The following ZFAND4 variants were observed in gnomAD, a reference collection of about 807,000 sequenced individuals.
ZFAND4 encodes the protein zinc finger AN1-type containing 4, also known as AN1-type zinc finger protein 4.
In ZFAND4, 43 loss-of-function variants were observed where a neutral mutation model predicts 64.4. The ratio of observed to expected loss-of-function variants is 0.67; its 90% CI spans 0.52 to 0.86. The LOEUF (loss-of-function observed/expected upper bound fraction) is 0.86. ZFAND4 is among the 40% of genes least tolerant of loss of function. The pLI, the probability that ZFAND4 is intolerant of heterozygous loss-of-function variation, is 0.00. For missense variants in ZFAND4, 929 were observed against 859.8 expected (o/e 1.08, Z -1.01); for synonymous variants, 296 against 305.7 (o/e 0.97, Z 0.33).
chr10:45,626,333 A>C lies in ZFAND4; in HGVS notation c.1490T>G (p.Phe497Cys). 6.2e-7 allele frequency: 1 copy of C among 1,614,200 alleles called. No homozygotes were observed. The highest frequency in any genetic ancestry group is 8.5e-7 in the Non-Finnish European group (1 of 1,180,034). Reference sequence around the variant, plus strand: ...AGAAGGCTGTAGCTTCCCAAACTCAAAACATTTGGACTGTCTCTCTGGTTT... The same window carrying C: ...AGAAGGCTGTAGCTTCCCAAACTCACAACATTTGGACTGTCTCTCTGGTTT... ...LVKPERQSKC[F>C]EFGKLQPSSS... Residue 497 changes from phenylalanine (F) to cysteine (C), a missense_variant, in exon 7 of 10, where the codon TTT becomes TGT. Physicochemically the swap from Phe to Cys is radical, Grantham distance 205. Transcript: ENST00000344646.
At chr10:45,621,303 A>C (rs903816329) in intron 8 of ZFAND4, among the ~76,000 whole-genome samples, 1 of 152,128 alleles carries the variant, frequency 6.6e-6, no homozygotes, top group African/African-American at 2.4e-5. Context: ...GATAGTTATT[A>C]CAGTGAGAGA....
In ZFAND4 at chr10:45,632,208, A is replaced by T. The variant is rs189033945; in HGVS notation, c.718-5103T>A. Among the ~76,000 whole-genome samples, 51 of 152,282 alleles carry T rather than the reference A, an allele frequency of 3.3e-4. No individual in the cohort carries two copies. In the East Asian group the frequency reaches 9.1e-3, roughly 27 times the overall value. ...TCTCTAGTAAAGATACAAAAAAAAA[A>T]TTAGCCGGGTGTGGTGGCACACGCC... On this transcript the variant is annotated intron_variant, in intron 6 of 9. Transcript: ENST00000344646.
chr10:45,655,937 A>G (rs902642775), intron 2 of ZFAND4, among the ~76,000 whole-genome samples: 4 of 152,042 alleles, frequency 2.6e-5, no homozygotes, highest in South Asian at 2.1e-4. Flanking sequence ...CAGACATTCA[A>G]TGAATTGGTA....
At chr10:45,621,176 A>C (rs1409013764) in intron 8 of ZFAND4, among the ~76,000 whole-genome samples, 3 of 152,196 alleles carry the variant, frequency 2.0e-5, no homozygotes, top group Non-Finnish European at 4.4e-5. Flanking sequence ...TAATGAATAC[A>C]GTTTCCAAGG....
intron 4 of ZFAND4, chr10:45,650,097 A>C (rs1229224698): frequency 6.6e-6 from 1 of 152,020 alleles, no homozygotes; most frequent in East Asian, 1.9e-4. Flanking sequence ...TTTCAAAAAC[A>C]ATTTTTTTTT....
At chr10:45,628,875 T>C (rs1467361188) in intron 6 of ZFAND4, among the ~76,000 whole-genome samples, 2 of 115,174 alleles carry the variant, frequency 1.7e-5, no homozygotes, top group East Asian at 4.8e-4. Flanking sequence ...GGCAAAAGTA[T>C]GGAGAAGTAT....
intron 2 of ZFAND4, 117 bp from the exon 3 acceptor site, chr10:45,653,176 T>C: frequency 1.4e-6 from 1 of 739,352 alleles, no homozygotes. Flanking sequence ...AACATTCTTC[T>C]AAATTGAATG....
chr10:45,616,627 G>T, intron 9 of ZFAND4, 56 bp from the exon 10 acceptor site: 1 of 1,593,676 alleles, frequency 6.3e-7, no homozygotes, highest in South Asian at 1.1e-5. Context: ...AGGCTCATCT[G>T]TCTGGGAGAC....
intron 6 of ZFAND4, among the ~76,000 whole-genome samples, chr10:45,633,896 G>A (rs1342593736): frequency 6.6e-6 from 1 of 152,088 alleles, no homozygotes; most frequent in African/African-American, 2.4e-5. Flanking sequence ...TATAAAAGGA[G>A]ACTATGAAAA....
At chr10:45,656,501 CAAAAAAAAAA>C (rs541781976) in intron 2 of ZFAND4, among the ~76,000 whole-genome samples, 5 of 24,714 alleles carry the variant, frequency 2.0e-4, no homozygotes, top group African/African-American at 3.9e-4. Flanking sequence ...GAACCTGTCT[CAAAAAAAAAA>C]AAAAAAAAAA....
chr10:45,663,253 A>G (rs1260350436), intron 2 of ZFAND4, among the ~76,000 whole-genome samples: 2 of 152,214 alleles, frequency 1.3e-5, no homozygotes, highest in African/African-American at 4.8e-5. Flanking sequence ...TAGTTAAGGC[A>G]TAATTTGCAG....
At chr10:45,656,501 C>CAAAAAA (rs541781976) in intron 2 of ZFAND4, among the ~76,000 whole-genome samples, 36 of 24,628 alleles carry the variant, frequency 1.5e-3, no homozygotes, top group African/African-American at 2.9e-3. Context: ...GAACCTGTCT[C>CAAAAAA]AAAAAAAAAA....
chr10:45,658,200 A>G (rs1446193258), intron 2 of ZFAND4, among the ~76,000 whole-genome samples: 1 of 152,256 alleles, frequency 6.6e-6, no homozygotes, highest in Non-Finnish European at 1.5e-5. Flanking sequence ...GCCCTCATCC[A>G]ATATGACTGG....
intron 8 of ZFAND4, among the ~76,000 whole-genome samples, chr10:45,621,193 T>A (rs1056632282): frequency 6.6e-6 from 1 of 152,028 alleles, no homozygotes; most frequent in East Asian, 1.9e-4. Context: ...AAGGGAAACC[T>A]TATAGTGAAA....
chr10:45,645,278 G>T (rs1359967333), intron 5 of ZFAND4, among the ~76,000 whole-genome samples: 1 of 152,072 alleles, frequency 6.6e-6, no homozygotes, highest in Admixed American at 6.6e-5. Context: ...AACATGTAAG[G>T]TCTTTAAAGT....
At chr10:45,637,035 T>C (rs1278834151) in intron 6 of ZFAND4, among the ~76,000 whole-genome samples, 1 of 151,542 alleles carries the variant, frequency 6.6e-6, no homozygotes, top group Non-Finnish European at 1.5e-5. Context: ...TTTACCCCAC[T>C]TTACGTTATA....
chr10:45,641,365 T>C (rs534317195), intron 5 of ZFAND4, among the ~76,000 whole-genome samples: 1 of 152,200 alleles, frequency 6.6e-6, no homozygotes, highest in Non-Finnish European at 1.5e-5. Context: ...TATGGAAGTA[T>C]GAGGAAAATT....
chr10:45,656,808 C>T (rs1218592599), intron 2 of ZFAND4, among the ~76,000 whole-genome samples: 1 of 151,918 alleles, frequency 6.6e-6, no homozygotes, highest in Admixed American at 6.6e-5. Context: ...GATTAGTGTC[C>T]TTAGAAGAGA....
chr10:45,623,064 G>GTTTT (rs1466419186), intron 8 of ZFAND4, among the ~76,000 whole-genome samples: 2 of 152,122 alleles, frequency 1.3e-5, no homozygotes, highest in Non-Finnish European at 2.9e-5. Context: ...CAAAACCACA[G>GTTTT]TGACATCACC....
Sources: gnomAD v4.1 joint callset for allele counts (sites outside exome capture counted in the v4.1 genomes callset) on GRCh38, gnomAD v4.1.1 for gene constraint, MANE v1.5 for transcripts, NCBI Gene and HGNC (gene_info 2026-07-23, HGNC 2026-07-21) for gene names.